Variants in GPC5 observed in about 807,000 individuals in gnomAD.
GPC5 encodes the protein glypican-5.
A neutral mutation model predicts 53.9 loss-of-function variants in GPC5; 47 were observed. That is an observed-to-expected ratio of 0.87 (90% CI 0.69 to 1.11). GPC5 has a LOEUF of 1.11. Ranked by LOEUF, GPC5 falls within the 50% of genes most tolerant of loss-of-function variation. GPC5 has a pLI of 0.00. For synonymous variants in GPC5, 286 were observed against 263.3 expected (o/e 1.09, Z -0.84); for missense variants, 748 against 713.1 (o/e 1.05, Z -0.56).
intron 7 of GPC5, among the ~76,000 whole-genome samples, chr13:92,363,829 A>G (rs1446892196): frequency 6.6e-6 from 1 of 151,810 alleles, no homozygotes; most frequent in Non-Finnish European, 1.5e-5. Context: ...ACAGAAAAGC[A>G]AAGAAACAGA....
intron 7 of GPC5, among the ~76,000 whole-genome samples, chr13:92,400,409 A>G (rs1425936160): frequency 6.6e-6 from 1 of 152,212 alleles, no homozygotes; most frequent in African/African-American, 2.4e-5. Context: ...CTACTAACCC[A>G]AGAACATTGT....
At chr13:92,622,510 A>T (rs1884907849) in intron 7 of GPC5, among the ~76,000 whole-genome samples, 1 of 152,066 alleles carries the variant, frequency 6.6e-6, no homozygotes, top group African/African-American at 2.4e-5. Flanking sequence ...ACACGAGATG[A>T]GGCACCCTAC....
chr13:92,621,970 C>T lies in GPC5; in HGVS notation c.1562-244312C>T, dbSNP rs1884884640. Among the ~76,000 whole-genome samples the T allele has an allele frequency of 2.0e-5, 3 of 152,046 alleles. No homozygotes were observed. In the South Asian group the frequency reaches 6.2e-4, roughly 32 times the overall value. On this transcript the variant is annotated intron_variant, in intron 7 of 7. Coordinates refer to ENST00000377067, the MANE Select transcript of GPC5 (RefSeq NM_004466.6). ...ATAATAATAATAATAGAACATACACCAAGCTCTCTGTGTATCTTCCTGAAA... is the reference window on the plus strand; with the variant it reads ...ATAATAATAATAATAGAACATACACTAAGCTCTCTGTGTATCTTCCTGAAA...
At chr13:92,208,569 A>G (rs2042353408) in intron 7 of GPC5, among the ~76,000 whole-genome samples, 2 of 152,260 alleles carry the variant, frequency 1.3e-5, no homozygotes, top group Non-Finnish European at 2.9e-5. Context: ...AAAAATAAAA[A>G]GGATGGGGAA....
chr13:91,810,543 G>T (rs938975170), intron 5 of GPC5, among the ~76,000 whole-genome samples: 12 of 151,816 alleles, frequency 7.9e-5, no homozygotes, highest in Non-Finnish European at 1.8e-4. Context: ...CAGTAAAACT[G>T]TTATAATTTA....
chr13:91,728,386 C>A (rs2036620633), intron 3 of GPC5, 146 bp from the exon 4 acceptor site: 1 of 551,638 alleles, frequency 1.8e-6, no homozygotes, highest in Non-Finnish European at 2.9e-6. Flanking sequence ...GAAAAATTGA[C>A]AAACATTATA....
At chr13:92,408,939 C>T in intron 7 of GPC5, among the ~76,000 whole-genome samples, 1 of 151,998 alleles carries the variant, frequency 6.6e-6, no homozygotes, top group Non-Finnish European at 1.5e-5. Context: ...GATTACCAAA[C>T]AGTCTTCATC....
At chr13:92,447,426 T>G (rs1877872156) in intron 7 of GPC5, 1 of 152,076 alleles carries the variant, frequency 6.6e-6, no homozygotes, top group Non-Finnish European at 1.5e-5. Flanking sequence ...GCATAAAAAT[T>G]AATCTGTAGC....
chr13:92,406,685 G>C (rs1023630383), intron 7 of GPC5, among the ~76,000 whole-genome samples: 1 of 152,150 alleles, frequency 6.6e-6, no homozygotes, highest in Non-Finnish European at 1.5e-5. Context: ...TAAAGTCATA[G>C]TTTTCGCAGT....
chr13:92,098,189 C>T (rs917611234), intron 6 of GPC5, among the ~76,000 whole-genome samples: 1 of 152,060 alleles, frequency 6.6e-6, no homozygotes, highest in Non-Finnish European at 1.5e-5. Flanking sequence ...GCTCCAGTGT[C>T]CCATTGGTCC....
chr13:91,782,253 G>A (rs1274361358), intron 5 of GPC5, among the ~76,000 whole-genome samples: 1 of 152,152 alleles, frequency 6.6e-6, no homozygotes, highest in Admixed American at 6.5e-5. Flanking sequence ...TACTTTCCAA[G>A]CTGTGTTTTC....
In GPC5 at chr13:91,419,927, G is replaced by A. The variant is rs1329117158; in HGVS notation, c.163+20718G>A. On this transcript the variant is annotated intron_variant, in intron 1 of 7. Coordinates refer to ENST00000377067, the MANE Select transcript of GPC5 (RefSeq NM_004466.6). ...GGACCACATGAAATTGTTACTGTTA[G>A]TTATGTCACAGTTAGACTACAGAAG... Among the ~76,000 whole-genome samples, 3 of 152,156 alleles carry A rather than the reference G, an allele frequency of 2.0e-5. 1 individual carries two copies. The highest frequency in any genetic ancestry group is 4.1e-4 in the South Asian group (2 of 4,828).
At chr13:91,667,370 A>G (rs1411472587) in intron 2 of GPC5, among the ~76,000 whole-genome samples, 1 of 152,120 alleles carries the variant, frequency 6.6e-6, no homozygotes, top group African/African-American at 2.4e-5. Context: ...ATTACATATT[A>G]CCCCCTTCAT....
intron 7 of GPC5, among the ~76,000 whole-genome samples, chr13:92,816,451 G>T (rs1877480050): frequency 6.6e-6 from 1 of 152,040 alleles, no homozygotes; most frequent in Non-Finnish European, 1.5e-5. Flanking sequence ...TTTGAGATTT[G>T]TTAGTTGCCT....
At chr13:92,668,572 TCTTAG>T (rs1886646967) in intron 7 of GPC5, among the ~76,000 whole-genome samples, 1 of 152,168 alleles carries the variant, frequency 6.6e-6, no homozygotes, top group African/African-American at 2.4e-5. Flanking sequence ...TTCTATTCTT[TCTTAG>T]CTTAAGTCAT....
At chr13:92,695,606 G>T (rs1161130334) in intron 7 of GPC5, among the ~76,000 whole-genome samples, 1 of 151,830 alleles carries the variant, frequency 6.6e-6, no homozygotes, top group Admixed American at 6.6e-5. Context: ...CTTAATTAAA[G>T]GGAATGCCCT....
chr13:92,062,051 G>A (rs1229102877), intron 6 of GPC5, among the ~76,000 whole-genome samples: 1 of 151,680 alleles, frequency 6.6e-6, no homozygotes, highest in Admixed American at 6.6e-5. Flanking sequence ...AGAAAATATA[G>A]ACTTTCCAAG....
chr13:92,252,761 A>C (rs1301177296), intron 7 of GPC5, among the ~76,000 whole-genome samples: 1 of 152,158 alleles, frequency 6.6e-6, no homozygotes, highest in East Asian at 1.9e-4. Context: ...CAGCAATCGA[A>C]AAGTTGTAAA....
chr13:91,545,121 A>T (rs868692045), intron 2 of GPC5, among the ~76,000 whole-genome samples: 1 of 152,170 alleles, frequency 6.6e-6, no homozygotes, highest in Non-Finnish European at 1.5e-5. Context: ...TTCTGCTTTC[A>T]TCTATTTATT....
Sources: allele counts gnomAD v4.1 joint callset (sites outside exome capture counted in the v4.1 genomes callset), GRCh38; gene constraint gnomAD v4.1.1; transcripts MANE v1.5; gene names NCBI Gene and HGNC (gene_info 2026-07-23, HGNC 2026-07-21).